The following ATR variants were observed in gnomAD, a reference collection of about 807,000 sequenced individuals.
ATR encodes ATR checkpoint kinase.
ATR carries 142 observed loss-of-function variants against 305.3 expected under a neutral mutation model. The ratio of observed to expected loss-of-function variants is 0.47; its 90% CI spans 0.41 to 0.53. The LOEUF is 0.53. ATR is among the 20% of genes least tolerant of loss of function. The pLI, the probability that ATR is intolerant of heterozygous loss-of-function variation, is 0.00. For synonymous variants in ATR, 1,050 were observed against 1,068.1 expected (o/e 0.98, Z 0.33); for missense variants, 2,135 against 3,133.1 (o/e 0.68, Z 7.60).
intron 18 of ATR, 123 bp from the exon 19 acceptor site, chr3:142,538,748 A>G: frequency 7.9e-7 from 1 of 1,271,636 alleles, no homozygotes; most frequent in Non-Finnish European, 1.1e-6. Context: ...GCAGCTTTAA[A>G]CATGGAATAA....
chr3:142,542,167 G>T (rs1371832806), intron 17 of ATR, among the ~76,000 whole-genome samples: 1 of 152,140 alleles, frequency 6.6e-6, no homozygotes, highest in African/African-American at 2.4e-5. Flanking sequence ...CATGAGCCAT[G>T]ACCCACACCA....
chr3:142,467,245 T>G (rs2071151635), intron 39 of ATR, among the ~76,000 whole-genome samples: 1 of 152,166 alleles, frequency 6.6e-6, no homozygotes, highest in South Asian at 2.1e-4. Flanking sequence ...CCTCCCACTT[T>G]TATCTTTCCT....
chr3:142,502,896 A>T (rs1381879019), intron 30 of ATR, among the ~76,000 whole-genome samples: 1 of 152,182 alleles, frequency 6.6e-6, no homozygotes, highest in Non-Finnish European at 1.5e-5. Flanking sequence ...TTTTTTGTTT[A>T]ATTTGATTTT....
intron 46 of ATR, chr3:142,451,397 A>G: frequency 6.9e-7 from 1 of 1,451,654 alleles, no homozygotes. Flanking sequence ...TTGTAAACAG[A>G]GATCTGAAGC....
At chr3:142,531,112 G>T (rs1305836773) in intron 21 of ATR, among the ~76,000 whole-genome samples, 2 of 152,048 alleles carry the variant, frequency 1.3e-5, no homozygotes, top group African/African-American at 4.8e-5. Flanking sequence ...TCTGTTGAAG[G>T]TGTAAATTAT....
rs764519064 is a variant in ATR at position 142,505,256 on chromosome 3, A to G, written c.5079T>C (p.Ser1693=). ...GAGATGGTTCTGCCTTTCTAATTGC[A>G]CTGACTCCGGCCACTCCATCAGGTT... ...MHEPDGVAGV[S]AIRKAEPSLK... is the part of the protein sequence containing the mutation. The change falls in exon 29 of 47, where the codon AGT becomes AGC. Residue 1693 remains serine, a synonymous_variant. Coordinates refer to ENST00000350721, the MANE Select transcript of ATR (RefSeq NM_001184.4). 1.9e-6 allele frequency: 3 copies of G among 1,614,078 alleles called. No individual in the cohort carries two copies. The South Asian group carries it at 3.3e-5, about 18-fold the overall frequency.
intron 42 of ATR, 52 bp downstream of exon 42, chr3:142,461,888 A>C (rs1402536927): frequency 1.9e-5 from 29 of 1,558,346 alleles, no homozygotes; most frequent in Non-Finnish European, 2.5e-5. Flanking sequence ...TTATACCCAT[A>C]TTATATAACT....
intron 24 of ATR, among the ~76,000 whole-genome samples, chr3:142,518,526 A>G (rs1390532563): frequency 6.6e-6 from 1 of 152,206 alleles, no homozygotes; most frequent in Non-Finnish European, 1.5e-5. Flanking sequence ...CAAAAATAAT[A>G]ATAATAACAG....
intron 23 of ATR, 22 bp from the exon 24 acceptor site, chr3:142,519,806 T>C (rs1234144674): frequency 1.3e-6 from 2 of 1,512,672 alleles, no homozygotes; most frequent in Admixed American, 1.7e-5. Context: ...TATTTTACAT[T>C]TGTAAGTCCA....
At chr3:142,519,238 A>G (rs931938975) in intron 24 of ATR, among the ~76,000 whole-genome samples, 29 of 152,180 alleles carry the variant, frequency 1.9e-4, no homozygotes, top group Non-Finnish European at 2.4e-4. Context: ...ATCATAGTGA[A>G]AAATATACAT....
intron 1 of ATR, among the ~76,000 whole-genome samples, chr3:142,572,371 ACTTT>A (rs1365096587): frequency 0.029 from 1,417 of 48,900 alleles, 9 homozygotes; most frequent in South Asian, 0.074. Context: ...GCCCGGCCTG[ACTTT>A]TTTTTTTTTT....
intron 16 of ATR, among the ~76,000 whole-genome samples, chr3:142,546,698 A>C (rs920367971): frequency 1.3e-5 from 2 of 152,214 alleles, no homozygotes; most frequent in African/African-American, 4.8e-5. Flanking sequence ...TGAAGCAAAA[A>C]AGAAAATCAA....
intron 29 of ATR, among the ~76,000 whole-genome samples, 153 bp from the exon 30 acceptor site, chr3:142,503,606 A>AG (rs769247928): frequency 4.3e-4 from 65 of 152,172 alleles, no homozygotes; most frequent in Non-Finnish European, 8.2e-4. Flanking sequence ...TTGTAGAGAC[A>AG]GGGTCTTGCC....
chr3:142,486,301 G>A (rs1489374138), intron 35 of ATR, among the ~76,000 whole-genome samples: 1 of 152,110 alleles, frequency 6.6e-6, no homozygotes, highest in Non-Finnish European at 1.5e-5. Context: ...AAACCTGCCT[G>A]GGAATAGAGG....
rs2108249579 is a variant in ATR, at chr3:142,453,116, C to T, written c.7761+12G>A. 1.9e-6 allele frequency: 3 copies of T among 1,614,014 alleles called. No homozygotes were observed. Among genetic ancestry groups the T allele is most frequent in the Non-Finnish European group, 2.5e-6 (3 of 1,179,956 alleles). The stretch of plus-strand genomic sequence containing the variant: ...GGACTACAGCCCATATCAAGCTATA[C>T]CTTCTACTAACCTTTTCATTGACAA... On this transcript the variant is annotated intron_variant, in intron 46 of 46. Coordinates refer to ENST00000350721, the MANE Select transcript of ATR (RefSeq NM_001184.4).
At chr3:142,538,384 CA>C (rs1013350641) in intron 19 of ATR, 97 bp downstream of exon 19, 7 of 1,354,726 alleles carry the variant, frequency 5.2e-6, no homozygotes, top group African/African-American at 4.4e-5. Flanking sequence ...CCCTGAAATT[CA>C]AAAAAGTGAC....
chr3:142,450,085 G>A (rs1303578618), intron 46 of ATR: 8 of 310,588 alleles, frequency 2.6e-5, no homozygotes, highest in Non-Finnish European at 4.2e-5. Flanking sequence ...ATTCTCAGAG[G>A]TGGTGCTGGG....
chr3:142,565,633 T>A (rs2035040404), intron 3 of ATR, among the ~76,000 whole-genome samples: 1 of 149,764 alleles, frequency 6.7e-6, no homozygotes, highest in Non-Finnish European at 1.5e-5. Context: ...CAGTAGCATG[T>A]GCCTATGGTC....
intron 15 of ATR, among the ~76,000 whole-genome samples, chr3:142,549,015 T>G (rs928465239): frequency 6.6e-6 from 1 of 152,056 alleles, no homozygotes; most frequent in African/African-American, 2.4e-5. Context: ...AGAGATATTT[T>G]GTTAATATGA....
Sources: gnomAD v4.1 joint callset for allele counts (sites outside exome capture counted in the v4.1 genomes callset) on GRCh38, gnomAD v4.1.1 for gene constraint, MANE v1.5 for transcripts, NCBI Gene and HGNC (gene_info 2026-07-23, HGNC 2026-07-21) for gene names.